DGKD: variants seen among roughly 807,000 people sequenced by gnomAD.
DGKD encodes the protein diacylglycerol kinase delta, also known as DAG kinase delta.
DGKD carries 68 observed loss-of-function variants against 154.4 expected under a neutral mutation model. The ratio of observed to expected loss-of-function variants is 0.44; its 90% CI spans 0.36 to 0.54. DGKD has a LOEUF of 0.54. Among genes scored for constraint, DGKD ranks in the 20% least tolerant of loss-of-function variants. The probability of loss-of-function intolerance (pLI) is 0.00; values close to 1 mark genes in which losing one functional copy is unlikely to be tolerated. For missense variants in DGKD, 1,343 were observed against 1,593.6 expected (o/e 0.84, Z 2.68); for synonymous variants, 693 against 638.0 (o/e 1.09, Z -1.30).
chr2:233,388,390 A>G, intron 2 of DGKD, 23 bp downstream of exon 2: 1 of 1,599,822 alleles, frequency 6.3e-7, no homozygotes, highest in South Asian at 1.1e-5. Flanking sequence ...GCAGGAAAGC[A>G]CACGCGAGGA....
At chr2:233,447,544 A>G (rs1456021652) in intron 12 of DGKD, 1 of 985,304 alleles carries the variant, frequency 1.0e-6, no homozygotes, top group Non-Finnish European at 1.2e-6. Flanking sequence ...TTTGAGAGGA[A>G]GAGTGTGTGG....
intron 3 of DGKD, among the ~76,000 whole-genome samples, chr2:233,402,476 T>A (rs910868057): frequency 7.2e-5 from 11 of 152,152 alleles, no homozygotes; most frequent in African/African-American, 2.4e-4. Context: ...TTGGGGTGAC[T>A]ATGTGTATGA....
rs537459993 is a variant in DGKD at position 233,440,554 on chromosome 2, C to T, written c.1086-1333C>T. 2.0e-5 allele frequency among the ~76,000 whole-genome samples: 3 copies of T among 152,280 alleles called. No individual in the cohort carries two copies. Among genetic ancestry groups the T allele is most frequent in the East Asian group, 1.9e-4 (1 of 5,182 alleles). On this transcript the variant is annotated intron_variant, in intron 9 of 29. Transcript: ENST00000264057. The surrounding 1 kb of genome is among the most constrained non-coding windows in gnomAD (Gnocchi z 4.9). ...TTCCACGTCTCCCCGAGCTGGCATC[C>T]GAGGAGCTCTAGTGTTCTGAAGGCT...
intron 1 of DGKD, among the ~76,000 whole-genome samples, chr2:233,384,279 C>A (rs932310291): frequency 6.6e-6 from 1 of 152,160 alleles, no homozygotes; most frequent in African/African-American, 2.4e-5. Context: ...CATTGGACAT[C>A]ACTGATGCGA....
intron 7 of DGKD, 71 bp downstream of exon 7, chr2:233,436,512 G>A (rs2062701629): frequency 6.5e-7 from 1 of 1,547,772 alleles, no homozygotes; most frequent in Admixed American, 1.9e-5. Context: ...GGGCCTTGCG[G>A]CTCCGCATGA....
chr2:233,367,840 CTTTTTTTTTTCTTT>C (rs1702105675), intron 1 of DGKD, among the ~76,000 whole-genome samples: 2 of 132,740 alleles, frequency 1.5e-5, no homozygotes, highest in African/African-American at 6.0e-5. Context: ...TTTTCTTCCT[CTTTTTTTTTTCTTT>C]TTTTTTTTTT....
At chr2:233,420,400 C>T (rs546563433) in intron 3 of DGKD, among the ~76,000 whole-genome samples, 4 of 152,132 alleles carry the variant, frequency 2.6e-5, no homozygotes, top group African/African-American at 9.6e-5. Flanking sequence ...CTGCTTCCAG[C>T]CTGAGAAATA....
At chr2:233,460,085 TC>T in intron 23 of DGKD, 108 bp from the exon 24 acceptor site, 1 of 1,478,618 alleles carries the variant, frequency 6.8e-7, no homozygotes, top group Non-Finnish European at 8.9e-7. Flanking sequence ...AAAAAAAAAG[TC>T]CTATTTGTCT....
chr2:233,371,993 A>G (rs1702349009), intron 1 of DGKD, among the ~76,000 whole-genome samples: 1 of 152,172 alleles, frequency 6.6e-6, no homozygotes, highest in Non-Finnish European at 1.5e-5. Flanking sequence ...CAGAATTTTT[A>G]CTGCCATGGA....
At chr2:233,384,057 T>C (rs932009755) in intron 1 of DGKD, among the ~76,000 whole-genome samples, 1 of 152,076 alleles carries the variant, frequency 6.6e-6, no homozygotes, top group African/African-American at 2.4e-5. Flanking sequence ...CATAACAGTA[T>C]GTACAGTATG....
At chr2:233,468,762 T>TG (rs1227498650) in intron 29 of DGKD, among the ~76,000 whole-genome samples, 1 of 152,052 alleles carries the variant, frequency 6.6e-6, no homozygotes, top group Non-Finnish European at 1.5e-5. Flanking sequence ...GCAGACATAA[T>TG]GGGGGGCAGA....
intron 3 of DGKD, among the ~76,000 whole-genome samples, chr2:233,397,150 G>C (rs1400037738): frequency 7.8e-6 from 1 of 128,716 alleles, no homozygotes; most frequent in Non-Finnish European, 1.6e-5. Context: ...AGGGGACCAG[G>C]GTGGCTGCGG....
intron 3 of DGKD, among the ~76,000 whole-genome samples, chr2:233,420,489 A>G (rs1475443654): frequency 1.3e-5 from 2 of 152,146 alleles, no homozygotes. Context: ...CCCTGGGGGC[A>G]TCCTAACTTT....
chr2:233,395,497 G>A (rs1169009803), intron 3 of DGKD, among the ~76,000 whole-genome samples: 5 of 151,248 alleles, frequency 3.3e-5, no homozygotes, highest in Admixed American at 2.6e-4. Context: ...TGGTCTCTTG[G>A]TACCTCTCTT....
At chr2:233,410,792 C>G (rs530402063) in intron 3 of DGKD, among the ~76,000 whole-genome samples, 2 of 152,344 alleles carry the variant, frequency 1.3e-5, no homozygotes, top group African/African-American at 4.8e-5. Flanking sequence ...CTTTCTCTCT[C>G]TCTCTCTCAT....
chr2:233,364,719 T>C (rs567588538), intron 1 of DGKD, among the ~76,000 whole-genome samples: 7 of 152,110 alleles, frequency 4.6e-5, no homozygotes, highest in Non-Finnish European at 8.8e-5. Context: ...CACTGAACAA[T>C]TGGGACAAAG....
In DGKD at chr2:233,440,445, A is replaced by G. The variant is rs1335105400; in HGVS notation, c.1086-1442A>G. On this transcript the variant is annotated intron_variant, in intron 9 of 29. Transcript: ENST00000264057. The surrounding 1 kb of genome is among the most constrained non-coding windows in gnomAD (Gnocchi z 4.9). ...GCAGGGAATGGGTAGGAGCACACGCAGGGTCCCCCGGCACTTCAGTGGGGG... is the reference window on the plus strand; with the variant it reads ...GCAGGGAATGGGTAGGAGCACACGCGGGGTCCCCCGGCACTTCAGTGGGGG... Among the ~76,000 whole-genome samples the G allele has an allele frequency of 6.6e-6, 1 of 152,162 alleles. No individual in the cohort carries two copies. The highest frequency in any genetic ancestry group is 1.5e-5 in the Non-Finnish European group (1 of 68,024).
intron 1 of DGKD, among the ~76,000 whole-genome samples, chr2:233,363,451 A>G (rs1438932080): frequency 6.6e-6 from 1 of 152,212 alleles, no homozygotes; most frequent in African/African-American, 2.4e-5. Flanking sequence ...AAAAGAGTAA[A>G]AAATTAAATT....
In DGKD at chr2:233,449,167, C is replaced by T. The variant is rs755030590; in HGVS notation, c.1679C>T (p.Ser560Leu). The T allele has an allele frequency of 1.1e-5, 18 of 1,613,536 alleles. No homozygotes were observed. The highest frequency in any genetic ancestry group is 1.3e-5 in the African/African-American group (1 of 75,046). Residue 560 changes from serine (S) to leucine (L), a missense_variant, in exon 15 of 30, where the codon TCG becomes TTG. Transcript: ENST00000264057. This position sits in a 1 kb window ranked among gnomAD's most constrained non-coding sequence, Gnocchi z 5.3. ...ACCTTGGACGATGAGTCCCAGGCCTCGTCCTCTCTGCCCAACCCGCCCCCC... is the reference window on the plus strand; with the variant it reads ...ACCTTGGACGATGAGTCCCAGGCCTTGTCCTCTCTGCCCAACCCGCCCCCC... ...LKTLDDESQA[S>L]SSLPNPPPTI...
Sources: gnomAD v4.1 joint callset for allele counts (sites outside exome capture counted in the v4.1 genomes callset) on GRCh38, gnomAD v4.1.1 for gene constraint, Gnocchi (gnomAD v3.1) non-coding constraint, MANE v1.5 for transcripts, NCBI Gene and HGNC (gene_info 2026-07-23, HGNC 2026-07-21) for gene names.